The following MSRA variants were observed in gnomAD, a reference collection of about 807,000 sequenced individuals.
MSRA encodes mitochondrial peptide methionine sulfoxide reductase.
MSRA carries 54 observed loss-of-function variants against 31.3 expected under a neutral mutation model. The ratio of observed to expected loss-of-function variants is 1.73; its 90% confidence interval spans 1.39 to 2.17. MSRA has a LOEUF of 2.17. Ranked by LOEUF, MSRA falls within the 30% of genes most tolerant of loss-of-function variation. The pLI is 0.00. For missense variants in MSRA, 507 were observed against 300.9 expected, an observed-to-expected ratio of 1.69 and a Z score of -5.07; for synonymous variants, 169 against 116.5, an observed-to-expected ratio of 1.45 and a Z score of -2.90.
At chr8:10,370,564 A>T (rs924948509) in intron 5 of MSRA, among the ~76,000 whole-genome samples, 1 of 152,204 alleles carries the variant, frequency 6.6e-6, no homozygotes, top group African/African-American at 2.4e-5. Flanking sequence ...CAGCAGCCAT[A>T]TCCCTTGAAC....
intron 5 of MSRA, among the ~76,000 whole-genome samples, chr8:10,367,478 A>G (rs888816278): frequency 6.6e-6 from 1 of 152,198 alleles, no homozygotes; most frequent in Non-Finnish European, 1.5e-5. Context: ...CATATCCCTC[A>G]TGGATAAGGA....
intron 4 of MSRA, among the ~76,000 whole-genome samples, chr8:10,316,360 C>T (rs947244118): frequency 6.6e-6 from 1 of 152,066 alleles, no homozygotes; most frequent in African/African-American, 2.4e-5. Flanking sequence ...CTCTGAGTGT[C>T]AGTTTCACCT....
chr8:10,063,477 C>A (rs57068621), intron 1 of MSRA, among the ~76,000 whole-genome samples: 159 of 152,304 alleles, frequency 1.0e-3, no homozygotes, highest in African/African-American at 3.7e-3. Flanking sequence ...AGGCTGGCTC[C>A]TGCTCTGAGC....
intron 1 of MSRA, among the ~76,000 whole-genome samples, chr8:10,062,251 G>A (rs954218878): frequency 9.9e-5 from 15 of 152,176 alleles, no homozygotes; most frequent in African/African-American, 3.1e-4. Flanking sequence ...GCAGCTGGCT[G>A]GCCCTGCCCT....
At chr8:10,305,872 A>G (rs1307678093) in intron 4 of MSRA, among the ~76,000 whole-genome samples, 1 of 152,254 alleles carries the variant, frequency 6.6e-6, no homozygotes, top group Non-Finnish European at 1.5e-5. Flanking sequence ...CTAAGGAGGA[A>G]TGACAGACAT....
intron 5 of MSRA, among the ~76,000 whole-genome samples, chr8:10,325,215 C>T (rs1296062224): frequency 6.6e-6 from 1 of 152,138 alleles, no homozygotes; most frequent in Non-Finnish European, 1.5e-5. Context: ...CTTTCTGGCA[C>T]CTCTGATAGA....
chr8:10,345,626 A>G (rs1473023718), intron 5 of MSRA, among the ~76,000 whole-genome samples: 1 of 152,246 alleles, frequency 6.6e-6, no homozygotes, highest in Admixed American at 6.5e-5. Context: ...GAAGAATTCT[A>G]ATGTATTTTC....
intron 1 of MSRA, among the ~76,000 whole-genome samples, chr8:10,071,870 A>G (rs1034378149): frequency 5.9e-5 from 9 of 152,268 alleles, no homozygotes; most frequent in African/African-American, 1.2e-4. Context: ...AGAGTCTCCA[A>G]GGAAAACACA....
chr8:10,273,590 T>A (rs1401552593), intron 3 of MSRA, among the ~76,000 whole-genome samples: 1 of 152,202 alleles, frequency 6.6e-6, no homozygotes, highest in East Asian at 1.9e-4. Context: ...ATCACAATTA[T>A]CAGTGATAGA....
At chr8:10,419,893 G>C (rs1808708057) in intron 5 of MSRA, among the ~76,000 whole-genome samples, 1 of 152,174 alleles carries the variant, frequency 6.6e-6, no homozygotes, top group African/African-American at 2.4e-5. Context: ...CCATATGCTT[G>C]GGGCAAGTCC....
chr8:10,123,768 G>C (rs1801296138), intron 1 of MSRA, among the ~76,000 whole-genome samples: 1 of 152,000 alleles, frequency 6.6e-6, no homozygotes, highest in Non-Finnish European at 1.5e-5. Flanking sequence ...TTTCCTCATT[G>C]CTTGTTTTTG....
intron 5 of MSRA, among the ~76,000 whole-genome samples, chr8:10,394,052 T>C (rs1806934623): frequency 6.6e-6 from 1 of 152,216 alleles, no homozygotes; most frequent in Non-Finnish European, 1.5e-5. Context: ...GTGTTAACTT[T>C]GGGTCTCTAG....
At chr8:10,056,617 A>C (rs548952037) in intron 1 of MSRA, among the ~76,000 whole-genome samples, 1 of 151,942 alleles carries the variant, frequency 6.6e-6, no homozygotes, top group African/African-American at 2.4e-5. Flanking sequence ...AAGTGTGTGA[A>C]ATTTAGATTG....
intron 5 of MSRA, among the ~76,000 whole-genome samples, chr8:10,414,467 G>C (rs954473490): frequency 1.3e-5 from 2 of 152,176 alleles, no homozygotes; most frequent in African/African-American, 4.8e-5. Context: ...CCTAGCGTTG[G>C]CACTGAAAGT....
intron 5 of MSRA, among the ~76,000 whole-genome samples, chr8:10,406,825 A>G (rs1016146642): frequency 2.0e-5 from 3 of 152,232 alleles, no homozygotes; most frequent in Admixed American, 1.3e-4. Context: ...GGCCCATGCT[A>G]GGATGGCCCT....
intron 1 of MSRA, among the ~76,000 whole-genome samples, chr8:10,198,597 C>T (rs753334955): frequency 6.6e-5 from 10 of 152,096 alleles, no homozygotes; most frequent in South Asian, 2.1e-4. Context: ...GTGACTAGGT[C>T]GAAGGGTGGA....
intron 5 of MSRA, among the ~76,000 whole-genome samples, chr8:10,406,714 T>C (rs964485490): frequency 1.3e-5 from 2 of 152,218 alleles, no homozygotes; most frequent in Admixed American, 1.3e-4. Context: ...TCTCCCCTGC[T>C]CTGTGCTTGT....
chr8:10,191,125 C>T (rs1017306889), intron 1 of MSRA, among the ~76,000 whole-genome samples: 6 of 152,204 alleles, frequency 3.9e-5, no homozygotes, highest in African/African-American at 1.4e-4. Context: ...GCTAATAAAT[C>T]ACCTAGCTTA....
chr8:10,312,939 A>T (rs1382505535), intron 4 of MSRA, among the ~76,000 whole-genome samples: 5 of 152,250 alleles, frequency 3.3e-5, no homozygotes, highest in African/African-American at 1.2e-4. Context: ...GTATTTAATA[A>T]TGATGCATTG....
Sources: gnomAD v4.1 joint callset for allele counts (sites outside exome capture counted in the v4.1 genomes callset) on GRCh38, gnomAD v4.1.1 for gene constraint, MANE v1.5 for transcripts, NCBI Gene and HGNC (gene_info 2026-07-23, HGNC 2026-07-21) for gene names.